ACOT7: variants seen among roughly 807,000 people sequenced by gnomAD.
ACOT7 encodes acyl-CoA thioesterase 7.
A neutral mutation model predicts 40.2 loss-of-function variants in ACOT7; 12 were observed. That is an observed-to-expected ratio of 0.30 (90% CI 0.19 to 0.48). The LOEUF (loss-of-function observed/expected upper bound fraction) is 0.48. Among genes scored for constraint, ACOT7 ranks in the 20% least tolerant of loss-of-function variants. The pLI is 0.99. For missense variants in ACOT7, 395 were observed against 530.8 expected (o/e 0.74, Z 2.51); for synonymous variants, 228 against 219.5 (o/e 1.04, Z -0.34).
rs148951238 is a variant in ACOT7 at position 6,343,004 on chromosome 1, T to C, written c.262-3415A>G. On this transcript the variant is annotated intron_variant, in intron 2 of 8. Coordinates refer to ENST00000361521, the MANE Select transcript of ACOT7 (RefSeq NM_007274.4). ...CCAGAGGACTGCCATGACTTTCTAC[T>C]GCAACAATCACTTCCTTAGGACATT... Among the ~76,000 whole-genome samples, 106 of 152,314 alleles carry C rather than the reference T, an allele frequency of 7.0e-4. 1 individual carries two copies. The highest frequency in any genetic ancestry group is 2.8e-4 in the Non-Finnish European group (19 of 68,028).
chr1:6,303,476 T>G (rs1640026443), intron 6 of ACOT7, among the ~76,000 whole-genome samples: 1 of 152,216 alleles, frequency 6.6e-6, no homozygotes, highest in African/African-American at 2.4e-5. Context: ...AAATAAGGCT[T>G]CATTTTCTTC....
intron 6 of ACOT7, among the ~76,000 whole-genome samples, chr1:6,296,145 C>T (rs1639804812): frequency 6.6e-6 from 1 of 151,938 alleles, no homozygotes; most frequent in Non-Finnish European, 1.5e-5. Context: ...ATCTGCCCAC[C>T]TCACCTCCCA....
At chr1:6,364,916 A>C (rs1333684198) in intron 1 of ACOT7, among the ~76,000 whole-genome samples, 1 of 147,834 alleles carries the variant, frequency 6.8e-6, no homozygotes, top group Non-Finnish European at 1.5e-5. Context: ...CCAGGTACTC[A>C]GGAGGCTGAG....
rs542019411 is a variant in ACOT7 at position 6,352,818 on chromosome 1, C to A, written c.144-2952G>T. Among the ~76,000 whole-genome samples, 1 of 152,090 alleles carries A rather than the reference C, an allele frequency of 6.6e-6. No individual in the cohort carries two copies. The highest frequency in any genetic ancestry group is 2.4e-5 in the African/African-American group (1 of 41,486). On this transcript the variant is annotated intron_variant, in intron 1 of 8. Coordinates refer to ENST00000361521, the MANE Select transcript of ACOT7 (RefSeq NM_007274.4). This position sits in a 1 kb window ranked among gnomAD's most constrained non-coding sequence, Gnocchi z 4.5. Reference sequence around the variant, plus strand: ...CAGGATGGTCTTGATCTCCTGACCTCGTTCGTGATCCCATTTCTAATAAAG... The same window carrying A: ...CAGGATGGTCTTGATCTCCTGACCTAGTTCGTGATCCCATTTCTAATAAAG...
At chr1:6,391,375 G>A (rs188531509) in intron 1 of ACOT7, among the ~76,000 whole-genome samples, 350 of 152,208 alleles carry the variant, frequency 2.3e-3, no homozygotes, top group African/African-American at 7.4e-3. Context: ...GCGTGGTGGC[G>A]CACTCTTGTA....
chr1:6,302,377 A>G (rs1338365967), intron 6 of ACOT7, among the ~76,000 whole-genome samples: 3 of 152,098 alleles, frequency 2.0e-5, no homozygotes, highest in Non-Finnish European at 4.4e-5. Flanking sequence ...TCGGGGAAAC[A>G]CTTAGAACGG....
rs1639978149 is a variant in ACOT7, at chr1:6,301,705, C to T, written c.713-6725G>A. On this transcript the variant is annotated intron_variant, in intron 6 of 8. Transcript: ENST00000361521. The surrounding 1 kb of genome is among the most constrained non-coding windows in gnomAD (Gnocchi z 4.1). ...GCTGCCCCAGCCACAAAGTATGTGG[C>T]TCCTTCAGGCAACAATTTGCGTCAA... is the stretch of plus-strand genomic sequence containing the variant. Among the ~76,000 whole-genome samples the T allele has an allele frequency of 6.6e-6, 1 of 152,224 alleles. No homozygotes were observed. Among genetic ancestry groups the T allele is most frequent in the African/African-American group, 2.4e-5 (1 of 41,468 alleles).
intron 8 of ACOT7, among the ~76,000 whole-genome samples, chr1:6,265,388 C>T (rs754839590): frequency 6.6e-5 from 10 of 152,236 alleles, no homozygotes; most frequent in Non-Finnish European, 1.3e-4. Flanking sequence ...AGGCCCCGCC[C>T]CGTACTGGGA....
intron 6 of ACOT7, among the ~76,000 whole-genome samples, chr1:6,316,066 G>T (rs1228771468): frequency 2.0e-5 from 3 of 152,190 alleles, no homozygotes; most frequent in Non-Finnish European, 2.9e-5. Flanking sequence ...CACGTAGACA[G>T]CGACGACGGA....
chr1:6,337,692 C>T (rs771498156), intron 3 of ACOT7, among the ~76,000 whole-genome samples: 3 of 152,136 alleles, frequency 2.0e-5, no homozygotes, highest in South Asian at 4.2e-4. Flanking sequence ...CCAAACTGCT[C>T]GGCTGGGCTC....
At chr1:6,303,826 C>T (rs767948331) in intron 6 of ACOT7, among the ~76,000 whole-genome samples, 31 of 152,182 alleles carry the variant, frequency 2.0e-4, no homozygotes, top group African/African-American at 6.0e-4. Context: ...GGTTCCCGGA[C>T]GTCTGGGAGC....
intron 6 of ACOT7, among the ~76,000 whole-genome samples, chr1:6,298,293 C>G (rs1301824981): frequency 6.6e-6 from 1 of 152,148 alleles, no homozygotes; most frequent in African/African-American, 2.4e-5. Context: ...CGTCACCATG[C>G]CCAGCTAATT....
chr1:6,280,775 C>T (rs1384872309), intron 8 of ACOT7, among the ~76,000 whole-genome samples: 1 of 152,240 alleles, frequency 6.6e-6, no homozygotes, highest in Non-Finnish European at 1.5e-5. Flanking sequence ...TCAGAGGCGA[C>T]CTGGACGCCC....
chr1:6,393,195 C>T, intron 1 of ACOT7, 62 bp downstream of exon 1: 1 of 1,225,072 alleles, frequency 8.2e-7, no homozygotes, highest in Non-Finnish European at 1.0e-6. Flanking sequence ...CCAAGCGGGG[C>T]AGGCCTGGGG....
chr1:6,356,918 C>CAA (rs139388424), intron 1 of ACOT7, among the ~76,000 whole-genome samples: 60 of 112,666 alleles, frequency 5.3e-4, no homozygotes, highest in African/African-American at 1.1e-3. Context: ...GACTGTGTCT[C>CAA]AAAAAAAAAA....
Position 6,289,850 on chromosome 1 carries a change from A to G in ACOT7, c.829+5014T>C, listed in dbSNP as rs1639615123. Among the ~76,000 whole-genome samples, 1 of 152,230 alleles carries G rather than the reference A, an allele frequency of 6.6e-6. No individual in the cohort carries two copies. Among genetic ancestry groups the G allele is most frequent in the South Asian group, 2.1e-4 (1 of 4,828 alleles). Reference sequence around the variant, plus strand: ...CAGGCCCAGCTATTTTTCTAATAAAATATGCTGAAATGGGCACATCAGAAA... The same window carrying G: ...CAGGCCCAGCTATTTTTCTAATAAAGTATGCTGAAATGGGCACATCAGAAA... On this transcript the variant is annotated intron_variant, in intron 7 of 8. Transcript: ENST00000361521. This position sits in a 1 kb window ranked among gnomAD's most constrained non-coding sequence, Gnocchi z 4.6.
At position 6,278,411 on chromosome 1, in the gene ACOT7, C is replaced by T. The variant is rs938674710; in HGVS notation, c.1014+2691G>A. Among the ~76,000 whole-genome samples, 3 of 152,034 alleles carry T rather than the reference C, an allele frequency of 2.0e-5. No individual in the cohort carries two copies. Among genetic ancestry groups the T allele is most frequent in the Non-Finnish European group, 4.4e-5 (3 of 68,000 alleles). ...GAGCAGCTGAGGACTGAGCAGGGGC[C>T]CCATGGGGACGGGGCAGTAAGAGCT... On this transcript the variant is annotated intron_variant, in intron 8 of 8. Transcript: ENST00000361521. This position sits in a 1 kb window ranked among gnomAD's most constrained non-coding sequence, Gnocchi z 4.1.
chr1:6,312,736 G>C (rs1414466501), intron 6 of ACOT7, among the ~76,000 whole-genome samples: 1 of 152,134 alleles, frequency 6.6e-6, no homozygotes, highest in Non-Finnish European at 1.5e-5. Context: ...CCAAAGTGCT[G>C]GGACTACAGG....
intron 1 of ACOT7, chr1:6,360,642 A>G: frequency 1.2e-6 from 2 of 1,614,230 alleles, no homozygotes; most frequent in African/African-American, 1.3e-5. Flanking sequence ...GCTTCTCCGA[A>G]GCAGGAGCAT....
Sources: allele counts gnomAD v4.1 joint callset (sites outside exome capture counted in the v4.1 genomes callset), GRCh38; gene constraint gnomAD v4.1.1; non-coding constraint Gnocchi (gnomAD v3.1); transcripts MANE v1.5; gene names NCBI Gene and HGNC (gene_info 2026-07-23, HGNC 2026-07-21).